UBR7: variants seen among roughly 807,000 people sequenced by gnomAD.
UBR7 encodes ubiquitin protein ligase E3 component n-recognin 7, also known as putative E3 ubiquitin-protein ligase UBR7.
In UBR7, 22 loss-of-function variants were observed where a neutral mutation model predicts 57.0. The observed-to-expected ratio is 0.39, with a 90% confidence interval of 0.28 to 0.55. The LOEUF (loss-of-function observed/expected upper bound fraction) is 0.55. Ranked by LOEUF, UBR7 falls within the 20% of genes least tolerant of loss-of-function variation. The pLI is 0.69. For missense variants in UBR7, 395 were observed against 513.2 expected (o/e 0.77, Z 2.23); for synonymous variants, 167 against 179.8 (o/e 0.93, Z 0.57).
At chr14:93,207,476 T>C (rs1036861887) in intron 1 of UBR7, 35 bp downstream of exon 1, 2 of 1,516,394 alleles carry the variant, frequency 1.3e-6, no homozygotes, top group Non-Finnish European at 1.8e-6. Context: ...CTCCCCCGGC[T>C]CCCGCCGAAC....
intron 10 of UBR7, among the ~76,000 whole-genome samples, chr14:93,224,599 G>A (rs371666110): frequency 8.9e-4 from 136 of 152,142 alleles, no homozygotes; most frequent in South Asian, 1.7e-3. Flanking sequence ...GGATGGTCTC[G>A]ATTTCCTGAC....
intron 4 of UBR7, among the ~76,000 whole-genome samples, chr14:93,213,058 A>C (rs892561726): frequency 6.6e-6 from 1 of 152,094 alleles, no homozygotes; most frequent in African/African-American, 2.4e-5. Flanking sequence ...GAATCACTTG[A>C]ACCCATGGGG....
rs1044406126 is a variant in UBR7, at chr14:93,207,304, G to C, written c.13G>C (p.Glu5Gln). 2.6e-6 allele frequency: 4 copies of C among 1,556,144 alleles called. No homozygotes were observed. The highest frequency in any genetic ancestry group is 3.5e-6 in the Non-Finnish European group (4 of 1,149,674). MAGA[E>Q]GAAGRQSELE... ...CTGACAGTTGAGGATGGCCGGAGCC[G>C]AGGGCGCCGCTGGGCGGCAGTCGGA... The change falls in exon 1 of 11, where the codon GAG becomes CAG. Residue 5 changes from glutamate to glutamine, a missense_variant. Coordinates refer to ENST00000013070, the MANE Select transcript of UBR7 (RefSeq NM_175748.4).
intron 7 of UBR7, among the ~76,000 whole-genome samples, 197 bp from the exon 8 acceptor site, chr14:93,219,015 A>G (rs955705528): frequency 6.6e-6 from 1 of 152,024 alleles, no homozygotes; most frequent in African/African-American, 2.4e-5. Context: ...AGATCATGCC[A>G]CTGCACTCTA....
Position 93,207,526 on chromosome 14 carries a change from CG to C in UBR7, c.150+86del, listed in dbSNP as rs1426377644. 17 of 1,454,136 alleles carry C rather than the reference CG, an allele frequency of 1.2e-5. No individual in the cohort carries two copies. The East Asian group carries it at 3.5e-4, about 30-fold the overall frequency. 90.1% of individuals were successfully genotyped at this position (1,454,136 alleles called of 1,614,324 possible). On this transcript the variant is annotated intron_variant, in intron 1 of 10. Coordinates refer to ENST00000013070, the MANE Select transcript of UBR7 (RefSeq NM_175748.4). ...CCGGCTGTCCCTATTCCCGCCTTGC[CG>C]CAGTCGTCTCCCCAGTGGTGGTCCG...
intron 3 of UBR7, 98 bp from the exon 4 acceptor site, chr14:93,211,934 A>G (rs1894492549): frequency 1.0e-6 from 1 of 958,170 alleles, no homozygotes; most frequent in Non-Finnish European, 1.6e-6. Flanking sequence ...TCTTGGGGGA[A>G]ATAATGTGGA....
chr14:93,224,542 T>G (rs1894800891), intron 10 of UBR7, among the ~76,000 whole-genome samples: 1 of 151,644 alleles, frequency 6.6e-6, no homozygotes, highest in African/African-American at 2.4e-5. Context: ...CACGCCCGGC[T>G]AATGTTTTGT....
At chr14:93,213,548 C>T (rs998300545) in intron 4 of UBR7, among the ~76,000 whole-genome samples, 1 of 152,154 alleles carries the variant, frequency 6.6e-6, no homozygotes, top group Non-Finnish European at 1.5e-5. Context: ...ACCTCATGAT[C>T]CGCCTGCCTC....
chr14:93,210,465 C>T (rs1894459251), intron 2 of UBR7, among the ~76,000 whole-genome samples, 183 bp from the exon 3 acceptor site: 1 of 152,146 alleles, frequency 6.6e-6, no homozygotes, highest in South Asian at 2.1e-4. Context: ...GGTACAAACT[C>T]AAACCATTTA....
At chr14:93,209,106 C>T (rs10147055) in intron 1 of UBR7, among the ~76,000 whole-genome samples, 6,563 of 152,300 alleles carry the variant, frequency 0.043, 162 homozygotes, top group African/African-American at 0.075. Context: ...AGCCACCGTG[C>T]CCAGCCTACA....
At chr14:93,216,564 C>T (rs911746465) in intron 6 of UBR7, among the ~76,000 whole-genome samples, 2 of 151,926 alleles carry the variant, frequency 1.3e-5, no homozygotes, top group Non-Finnish European at 2.9e-5. Context: ...CATAGCCATA[C>T]CTCTGATCTC....
chr14:93,208,626 T>C (rs1433092007), intron 1 of UBR7, among the ~76,000 whole-genome samples: 1 of 151,942 alleles, frequency 6.6e-6, no homozygotes, highest in Non-Finnish European at 1.5e-5. Context: ...GTGTGCGTGT[T>C]CCCACAACCC....
intron 9 of UBR7, 98 bp from the exon 10 acceptor site, chr14:93,222,215 A>C: frequency 1.2e-6 from 1 of 827,988 alleles, no homozygotes; most frequent in Non-Finnish European, 2.0e-6. Context: ...TATTTAGACT[A>C]CATTATTAAC....
chr14:93,214,898 T>C (rs1566821655), intron 4 of UBR7, 31 bp from the exon 5 acceptor site: 1 of 1,599,876 alleles, frequency 6.3e-7, no homozygotes, highest in Middle Eastern at 1.7e-4. Context: ...GAATTCAATG[T>C]AATCCTTAAC....
intron 6 of UBR7, among the ~76,000 whole-genome samples, chr14:93,217,439 A>T (rs958928148): frequency 6.6e-6 from 1 of 152,006 alleles, no homozygotes; most frequent in South Asian, 2.1e-4. Context: ...GAGCTCCCCT[A>T]TCGTTTCTCT....
At chr14:93,226,666 G>A (rs750549724) in intron 10 of UBR7, among the ~76,000 whole-genome samples, 3 of 152,050 alleles carry the variant, frequency 2.0e-5, no homozygotes, top group East Asian at 1.9e-4. Flanking sequence ...GGTGGCGGGC[G>A]CCTGTAGTCC....
chr14:93,213,278 G>A (rs1270631), intron 4 of UBR7, among the ~76,000 whole-genome samples: 23,714 of 151,828 alleles, frequency 0.16, 2,166 homozygotes, highest in South Asian at 0.25. Context: ...TGAAAATTTT[G>A]CCATTCTGAT....
At chr14:93,220,455 T>G in intron 9 of UBR7, 44 bp downstream of exon 9, 1 of 1,610,996 alleles carries the variant, frequency 6.2e-7, no homozygotes, top group South Asian at 1.1e-5. Context: ...TCCTTCACTA[T>G]GTAAAAAAAT....
In UBR7 at chr14:93,227,264, G is replaced by T; in HGVS notation, c.*229G>T. 2 of 616,820 alleles carry T rather than the reference G, an allele frequency of 3.2e-6. No individual in the cohort carries two copies. Among genetic ancestry groups the T allele is most frequent in the Non-Finnish European group, 3.0e-6 (1 of 332,742 alleles). The allele number at this position is 616,820 out of a possible 1,614,324, so 38.2% of individuals were successfully genotyped here. A position where few individuals can be genotyped will look rare whatever the true frequency, so the allele number is the denominator to read the frequency against. On this transcript the variant is annotated 3_prime_UTR_variant, in exon 11 of 11. Transcript: ENST00000013070. ...AGCTCATTCCACAGACTTCTCCAGT[G>T]TACTCCTACTCCAGTGCACCCAGGG...
Sources: gnomAD v4.1 joint callset for allele counts (sites outside exome capture counted in the v4.1 genomes callset) on GRCh38, gnomAD v4.1.1 for gene constraint, MANE v1.5 for transcripts, NCBI Gene and HGNC (gene_info 2026-07-23, HGNC 2026-07-21) for gene names.